The following PRKCB variants were observed in gnomAD, a reference collection of about 807,000 sequenced individuals.
PRKCB encodes the protein protein kinase C beta type.
In PRKCB, 13 loss-of-function variants were observed where a neutral mutation model predicts 81.5. The ratio of observed to expected loss-of-function variants is 0.16; its 90% CI spans 0.10 to 0.25. The LOEUF is 0.25. Among genes scored for constraint, PRKCB ranks in the 10% least tolerant of loss-of-function variants. The probability of loss-of-function intolerance (pLI) is 1.00; values close to 1 mark genes in which losing one functional copy is unlikely to be tolerated. For missense variants in PRKCB, 509 were observed against 875.7 expected, an observed-to-expected ratio of 0.58 and a Z score of 5.29; for synonymous variants, 335 against 321.4, an observed-to-expected ratio of 1.04 and a Z score of -0.45.
intron 5 of PRKCB, among the ~76,000 whole-genome samples, chr16:24,060,890 C>A (rs1965963790): frequency 6.6e-6 from 1 of 152,166 alleles, no homozygotes. Flanking sequence ...TGAGAAGCCG[C>A]CTGCATACAA....
intron 2 of PRKCB, among the ~76,000 whole-genome samples, chr16:23,838,051 T>C (rs967221354): frequency 2.0e-5 from 3 of 152,194 alleles, no homozygotes; most frequent in African/African-American, 7.2e-5. Flanking sequence ...TAACCAGGGG[T>C]ATCAAACCTG....
intron 2 of PRKCB, among the ~76,000 whole-genome samples, chr16:23,931,844 C>A (rs1455842165): frequency 6.6e-6 from 1 of 152,198 alleles, no homozygotes; most frequent in Non-Finnish European, 1.5e-5. Context: ...CAATTCTTGG[C>A]TAATCCTCTT....
rs543667331 is a variant in PRKCB, at chr16:24,075,830, C to T, written c.530-16961C>T. On this transcript the variant is annotated intron_variant, in intron 5 of 16. Coordinates refer to ENST00000643927, the MANE Select transcript of PRKCB (RefSeq NM_002738.7). The stretch of plus-strand genomic sequence containing the variant: ...AACACTGGTCAAAAGCAGTGGTTTT[C>T]ATACATGAGTGTCACATCAGAGTCA... Among the ~76,000 whole-genome samples, 52 of 152,326 alleles carry T rather than the reference C, an allele frequency of 3.4e-4. No individual in the cohort carries two copies. In the Middle Eastern group the frequency reaches 0.01, roughly 30 times the overall value.
intron 9 of PRKCB, among the ~76,000 whole-genome samples, chr16:24,150,307 G>A (rs1424235318): frequency 6.6e-6 from 1 of 152,132 alleles, no homozygotes; most frequent in East Asian, 1.9e-4. Flanking sequence ...GGGCAACAGG[G>A]TGAGAATCTG....
At chr16:23,999,915 A>T (rs1965009926) in intron 3 of PRKCB, among the ~76,000 whole-genome samples, 2 of 151,992 alleles carry the variant, frequency 1.3e-5, no homozygotes, top group East Asian at 1.9e-4. Context: ...CTTTCACATG[A>T]CTGACGACGA....
chr16:24,109,010 G>A (rs1966625810), intron 7 of PRKCB, among the ~76,000 whole-genome samples: 2 of 149,294 alleles, frequency 1.3e-5, no homozygotes, highest in Non-Finnish European at 3.0e-5. Flanking sequence ...TCCCGGACGG[G>A]GCGGCTGGCC....
At chr16:24,058,329 T>G (rs779013736) in intron 5 of PRKCB, among the ~76,000 whole-genome samples, 1 of 152,220 alleles carries the variant, frequency 6.6e-6, no homozygotes, top group Non-Finnish European at 1.5e-5. Flanking sequence ...AGAACCTTCC[T>G]TATTTTTTAT....
At chr16:23,939,760 A>G (rs1270206467) in intron 2 of PRKCB, among the ~76,000 whole-genome samples, 1 of 152,238 alleles carries the variant, frequency 6.6e-6, no homozygotes, top group Non-Finnish European at 1.5e-5. Flanking sequence ...TTAGAAGAAA[A>G]CATAGGAGAA....
chr16:23,966,401 T>C (rs1964487502), intron 2 of PRKCB, among the ~76,000 whole-genome samples: 1 of 152,234 alleles, frequency 6.6e-6, no homozygotes, highest in Admixed American at 6.5e-5. Flanking sequence ...CAAGTTACCT[T>C]CTTTCTCAGT....
chr16:23,850,205 T>C (rs914251202), intron 2 of PRKCB, among the ~76,000 whole-genome samples: 3 of 152,204 alleles, frequency 2.0e-5, no homozygotes, highest in Non-Finnish European at 4.4e-5. Context: ...CCATACTTTC[T>C]TTATTCATTC....
intron 15 of PRKCB, among the ~76,000 whole-genome samples, chr16:24,189,558 C>G (rs11648395): frequency 4.0e-5 from 6 of 148,156 alleles, no homozygotes; most frequent in Non-Finnish European, 7.4e-5. Context: ...AGGAGAATGG[C>G]GTGAACCCGG....
At chr16:24,010,787 A>G (rs1208252696) in intron 3 of PRKCB, among the ~76,000 whole-genome samples, 1 of 152,172 alleles carries the variant, frequency 6.6e-6, no homozygotes, top group Non-Finnish European at 1.5e-5. Context: ...TGCTGCTGCC[A>G]GTGACTTCAT....
chr16:24,049,671 G>A (rs1237639900), intron 5 of PRKCB, among the ~76,000 whole-genome samples: 1 of 152,172 alleles, frequency 6.6e-6, no homozygotes. Flanking sequence ...GAGAGAAAGA[G>A]AGGGATAAAA....
At chr16:23,996,893 C>T (rs1964964271) in intron 3 of PRKCB, among the ~76,000 whole-genome samples, 1 of 152,244 alleles carries the variant, frequency 6.6e-6, no homozygotes, top group South Asian at 2.1e-4. Context: ...TATATATGCT[C>T]TGAATCAGCA....
At chr16:24,067,777 G>A (rs1169476928) in intron 5 of PRKCB, among the ~76,000 whole-genome samples, 1 of 151,992 alleles carries the variant, frequency 6.6e-6, no homozygotes, top group Non-Finnish European at 1.5e-5. Flanking sequence ...GATCATCCTG[G>A]CCAACATAGT....
intron 2 of PRKCB, among the ~76,000 whole-genome samples, chr16:23,886,231 A>G (rs1567302583): frequency 6.6e-6 from 1 of 152,090 alleles, no homozygotes; most frequent in Non-Finnish European, 1.5e-5. Flanking sequence ...TTTGACTTGC[A>G]GATGGATCAA....
chr16:24,016,806 G>T (rs1194212185), intron 3 of PRKCB, among the ~76,000 whole-genome samples: 1 of 152,094 alleles, frequency 6.6e-6, no homozygotes, highest in Non-Finnish European at 1.5e-5. Context: ...TCACCCCTTA[G>T]CTCAGCCACA....
chr16:23,848,312 A>G (rs1037030627), intron 2 of PRKCB, among the ~76,000 whole-genome samples: 3 of 152,184 alleles, frequency 2.0e-5, no homozygotes, highest in African/African-American at 4.8e-5. Flanking sequence ...CCATGACTCA[A>G]ATCCTGAAAT....
chr16:24,041,062 G>T (rs76517471), intron 5 of PRKCB, among the ~76,000 whole-genome samples: 50,755 of 110,646 alleles, frequency 0.46, 9,147 homozygotes, highest in Middle Eastern at 0.49. Context: ...AATTTTTTTT[G>T]TGTGTGTGTG....
Sources: gnomAD v4.1 joint callset for allele counts (sites outside exome capture counted in the v4.1 genomes callset) on GRCh38, gnomAD v4.1.1 for gene constraint, MANE v1.5 for transcripts, NCBI Gene and HGNC (gene_info 2026-07-23, HGNC 2026-07-21) for gene names.